The following DIP2C variants were observed in gnomAD, a reference collection of about 807,000 sequenced individuals.
DIP2C encodes the protein disco-interacting protein 2 homolog C.
In DIP2C, 33 loss-of-function variants were observed where a neutral mutation model predicts 192.4. The ratio of observed to expected loss-of-function variants is 0.17; its 90% CI spans 0.13 to 0.23. DIP2C has a LOEUF of 0.23. Ranked by LOEUF, DIP2C falls within the 10% of genes least tolerant of loss-of-function variation. The probability of loss-of-function intolerance (pLI) is 1.00; values close to 1 mark genes in which losing one functional copy is unlikely to be tolerated. For missense variants in DIP2C, 1,537 were observed against 2,110.1 expected (o/e 0.73, Z 5.32); for synonymous variants, 979 against 864.1 (o/e 1.13, Z -2.33).
intron 1 of DIP2C, among the ~76,000 whole-genome samples, chr10:599,682 A>G (rs1164825660): frequency 6.6e-6 from 1 of 152,216 alleles, no homozygotes; most frequent in African/African-American, 2.4e-5. Context: ...GGGGCCACAG[A>G]GCCCAGAGCT....
At chr10:649,271 C>A (rs1448988730) in intron 1 of DIP2C, among the ~76,000 whole-genome samples, 1 of 150,948 alleles carries the variant, frequency 6.6e-6, no homozygotes, top group African/African-American at 2.4e-5. Flanking sequence ...AAACTGAGTC[C>A]ACGTCAACAT....
chr10:387,510 C>G (rs1311778120), intron 14 of DIP2C, among the ~76,000 whole-genome samples: 1 of 115,338 alleles, frequency 8.7e-6, no homozygotes, highest in Non-Finnish European at 1.7e-5. Context: ...GGGGCGACTC[C>G]TGTGTGGACA....
Position 391,727 on chromosome 10 carries a change from C to T in DIP2C, c.1261-864G>A, listed in dbSNP as rs143487897. ...ATTGTAGTGAGCAAGTCACCGTCTT[C>T]GCTCCCCAGATGGCTCAGCATGAAC... is the stretch of plus-strand genomic sequence containing the variant. On this transcript the variant is annotated intron_variant, in intron 10 of 36. Coordinates refer to ENST00000280886, the MANE Select transcript of DIP2C (RefSeq NM_014974.3). Among the ~76,000 whole-genome samples, 14 of 152,322 alleles carry T rather than the reference C, an allele frequency of 9.2e-5. No individual in the cohort carries two copies. The East Asian group carries it at 1.2e-3, about 13-fold the overall frequency.
chr10:280,122 T>C (rs1329523010), intron 36 of DIP2C, among the ~76,000 whole-genome samples: 2 of 152,092 alleles, frequency 1.3e-5, no homozygotes, highest in South Asian at 2.1e-4. Flanking sequence ...TGAGGACTTT[T>C]GAGAGTAGGG....
At chr10:283,513 T>C (rs1311745013) in intron 34 of DIP2C, 67 bp from the exon 35 acceptor site, 2 of 1,563,094 alleles carry the variant, frequency 1.3e-6, no homozygotes, top group Non-Finnish European at 1.7e-6. Context: ...AGACTACAAC[T>C]ACTTTGACAA....
At chr10:489,366 CAGGT>C (rs1844258563) in intron 1 of DIP2C, among the ~76,000 whole-genome samples, 1 of 152,176 alleles carries the variant, frequency 6.6e-6, no homozygotes, top group Non-Finnish European at 1.5e-5. Flanking sequence ...TCATAGGTGA[CAGGT>C]AGATAATAGA....
intron 24 of DIP2C, among the ~76,000 whole-genome samples, chr10:352,311 G>A (rs1370585429): frequency 6.6e-6 from 1 of 152,234 alleles, no homozygotes; most frequent in Non-Finnish European, 1.5e-5. Context: ...CCCACCTGTA[G>A]GTACTTGCAA....
intron 1 of DIP2C, among the ~76,000 whole-genome samples, chr10:679,952 C>G (rs1051798945): frequency 6.6e-6 from 1 of 152,178 alleles, no homozygotes; most frequent in Non-Finnish European, 1.5e-5. Context: ...ATTTACCAAG[C>G]AGGGCTGTGA....
intron 1 of DIP2C, among the ~76,000 whole-genome samples, chr10:589,336 A>T (rs750915186): frequency 6.6e-6 from 1 of 152,080 alleles, no homozygotes; most frequent in Non-Finnish European, 1.5e-5. Context: ...TTTAATTTTG[A>T]TGAAGTCTTG....
At chr10:481,077 A>T (rs763975896) in intron 2 of DIP2C, among the ~76,000 whole-genome samples, 11 of 152,008 alleles carry the variant, frequency 7.2e-5, no homozygotes, top group Non-Finnish European at 1.6e-4. Context: ...CACGTCTAGG[A>T]AGCGCTGCCT....
At chr10:308,730 C>T (rs1956443069) in intron 32 of DIP2C, among the ~76,000 whole-genome samples, 1 of 152,228 alleles carries the variant, frequency 6.6e-6, no homozygotes, top group Non-Finnish European at 1.5e-5. Flanking sequence ...TCCTACGTGG[C>T]CACCACTCTT....
chr10:627,028 T>G (rs1179348998), intron 1 of DIP2C, among the ~76,000 whole-genome samples: 1 of 152,258 alleles, frequency 6.6e-6, no homozygotes, highest in Non-Finnish European at 1.5e-5. Context: ...TTTGTCCTCC[T>G]TCCACAAAAG....
chr10:470,843 G>A (rs745971280), intron 3 of DIP2C, among the ~76,000 whole-genome samples: 11 of 152,186 alleles, frequency 7.2e-5, no homozygotes, highest in Non-Finnish European at 1.5e-4. Flanking sequence ...TCTATAAAAT[G>A]GAAGATAGAC....
intron 3 of DIP2C, among the ~76,000 whole-genome samples, chr10:442,573 G>C (rs1413206469): frequency 2.0e-5 from 3 of 152,120 alleles, no homozygotes; most frequent in Non-Finnish European, 4.4e-5. Context: ...CAGAAAATCT[G>C]CAAGACCAGT....
intron 2 of DIP2C, among the ~76,000 whole-genome samples, chr10:480,249 G>T (rs1031680968): frequency 3.2e-5 from 4 of 125,262 alleles, no homozygotes; most frequent in African/African-American, 1.2e-4. Flanking sequence ...ACTGGATGAG[G>T]GTCTCATCCA....
intron 10 of DIP2C, 149 bp downstream of exon 10, chr10:398,960 G>A (rs1964199628): frequency 1.6e-6 from 1 of 640,844 alleles, no homozygotes; most frequent in Non-Finnish European, 2.7e-6. Flanking sequence ...CAGGCTGCAG[G>A]GCCCACTAGC....
intron 32 of DIP2C, among the ~76,000 whole-genome samples, chr10:307,708 G>C (rs1020719253): frequency 1.3e-5 from 2 of 152,320 alleles, no homozygotes; most frequent in South Asian, 2.1e-4. Flanking sequence ...AGAAGAGTGA[G>C]AGCAGCCCCA....
intron 3 of DIP2C, among the ~76,000 whole-genome samples, chr10:458,793 G>C (rs867317867): frequency 6.6e-6 from 1 of 151,868 alleles, no homozygotes; most frequent in South Asian, 2.1e-4. Flanking sequence ...GTGACGGCAA[G>C]GAGGATGCCC....
chr10:584,934 G>A (rs541315966), intron 1 of DIP2C, among the ~76,000 whole-genome samples: 16 of 110,974 alleles, frequency 1.4e-4, no homozygotes, highest in Middle Eastern at 7.4e-3. Flanking sequence ...CCACTCACGC[G>A]CATCACCTCT....
Sources: gnomAD v4.1 joint callset for allele counts (sites outside exome capture counted in the v4.1 genomes callset) on GRCh38, gnomAD v4.1.1 for gene constraint, MANE v1.5 for transcripts, NCBI Gene and HGNC (gene_info 2026-07-23, HGNC 2026-07-21) for gene names.